The following CNBD1 variants were observed in gnomAD, a reference collection of about 807,000 sequenced individuals.
The protein encoded by CNBD1 is cyclic nucleotide binding domain containing 1, also known as cyclic nucleotide-binding domain-containing protein 1.
A neutral mutation model predicts 54.4 loss-of-function variants in CNBD1; 71 were observed. The observed-to-expected ratio is 1.30, with a 90% CI of 1.08 to 1.59. CNBD1 has a LOEUF of 1.59. Ranked by LOEUF, CNBD1 falls within the 40% of genes most tolerant of loss-of-function variation. The pLI is 0.00. For synonymous variants in CNBD1, 182 were observed against 170.7 expected, an observed-to-expected ratio of 1.07 and a Z score of -0.51; for missense variants, 659 against 518.0, an observed-to-expected ratio of 1.27 and a Z score of -2.64.
rs1475379601 is a variant in CNBD1, at chr8:87,224,186, G to C, written c.578-12733G>C. On this transcript the variant is annotated intron_variant, in intron 5 of 10. Transcript: ENST00000518476. ...GGTTGCGAAAATTTTCTCCCATTTT[G>C]TAGGTTGCCTGTTCACTCTGATGGT... is the stretch of plus-strand genomic sequence containing the variant. Among the ~76,000 whole-genome samples the C allele has an allele frequency of 5.9e-5, 9 of 151,846 alleles. No individual in the cohort carries two copies. In the East Asian group the frequency reaches 1.6e-3, roughly 26 times the overall value.
chr8:86,886,992 A>G (rs1808689766), intron 1 of CNBD1, among the ~76,000 whole-genome samples: 1 of 152,164 alleles, frequency 6.6e-6, no homozygotes, highest in Admixed American at 6.6e-5. Context: ...CTGCTCTTAA[A>G]GACTCCTTTA....
intron 4 of CNBD1, among the ~76,000 whole-genome samples, chr8:87,054,744 CA>C (rs1053036547): frequency 6.6e-6 from 1 of 152,170 alleles, no homozygotes. Flanking sequence ...TAGCCTTGGC[CA>C]AAAACCTTTG....
chr8:87,265,383 A>G (rs1350761161), intron 6 of CNBD1, among the ~76,000 whole-genome samples: 1 of 152,106 alleles, frequency 6.6e-6, no homozygotes, highest in Non-Finnish European at 1.5e-5. Flanking sequence ...TACCAGTACC[A>G]TGCTGTTTTG....
chr8:87,075,342 A>G (rs1396755250), intron 4 of CNBD1, among the ~76,000 whole-genome samples: 1 of 152,160 alleles, frequency 6.6e-6, no homozygotes. Flanking sequence ...TTTTTTCTAA[A>G]CAAAGAAATC....
chr8:87,409,103 C>T (rs906180026), intron 2 of CNBD1, among the ~76,000 whole-genome samples: 10 of 152,084 alleles, frequency 6.6e-5, no homozygotes, highest in Non-Finnish European at 1.2e-4. Flanking sequence ...GAAGGCATGT[C>T]GAAAGCTGAG....
At chr8:86,911,779 G>A (rs1230841659) in intron 3 of CNBD1, among the ~76,000 whole-genome samples, 2 of 152,094 alleles carry the variant, frequency 1.3e-5, no homozygotes, top group Middle Eastern at 3.4e-3. Flanking sequence ...CAGGATACAA[G>A]AGCAACGTAA....
downstream of CNBD1, among the ~76,000 whole-genome samples, chr8:87,385,481 G>A (rs746646748): frequency 5.3e-5 from 8 of 152,074 alleles, no homozygotes; most frequent in Admixed American, 1.3e-4. Context: ...TCCTGCACAT[G>A]TCTCGGAGGG....
chr8:86,874,998 A>ATATATATATATATATATG (rs1297642801), intron 1 of CNBD1, among the ~76,000 whole-genome samples: 3 of 54,274 alleles, frequency 5.5e-5, no homozygotes, highest in Non-Finnish European at 1.4e-4. Context: ...ATATATATAT[A>ATATATATATATATATATG]TATATATATA....
intron 4 of CNBD1, among the ~76,000 whole-genome samples, chr8:86,957,252 G>A (rs974308549): frequency 1.3e-5 from 2 of 152,094 alleles, no homozygotes; most frequent in Admixed American, 1.3e-4. Context: ...GAAGATTTTT[G>A]CATCGATGTT....
intron 8 of CNBD1, among the ~76,000 whole-genome samples, chr8:87,296,630 C>CAT (rs1437721647): frequency 1.4e-5 from 2 of 147,970 alleles, no homozygotes; most frequent in Admixed American, 6.7e-5. Context: ...CATATATATA[C>CAT]ATATATATGT....
At chr8:87,340,995 A>G (rs1810052671) in intron 8 of CNBD1, among the ~76,000 whole-genome samples, 1 of 152,038 alleles carries the variant, frequency 6.6e-6, no homozygotes, top group Non-Finnish European at 1.5e-5. Context: ...TTGAAAATAC[A>G]ACTATCTATC....
chr8:87,427,218 T>G (rs1380704456), intron 2 of CNBD1, among the ~76,000 whole-genome samples: 2 of 152,092 alleles, frequency 1.3e-5, no homozygotes, highest in African/African-American at 2.4e-5. Flanking sequence ...TGTATGTCCT[T>G]TGAAACATAC....
chr8:87,033,131 G>T (rs1809830760), intron 4 of CNBD1, among the ~76,000 whole-genome samples: 1 of 152,076 alleles, frequency 6.6e-6, no homozygotes, highest in African/African-American at 2.4e-5. Flanking sequence ...TAACAATGAT[G>T]GCATCTTCAG....
chr8:87,333,738 GC>G (rs1809883397), intron 8 of CNBD1, among the ~76,000 whole-genome samples: 1 of 152,114 alleles, frequency 6.6e-6, no homozygotes, highest in Non-Finnish European at 1.5e-5. Context: ...TGGTGGATAA[GC>G]TTTTTGATGT....
At chr8:86,977,359 A>G (rs1808365481) in intron 4 of CNBD1, among the ~76,000 whole-genome samples, 1 of 152,096 alleles carries the variant, frequency 6.6e-6, no homozygotes, top group Non-Finnish European at 1.5e-5. Flanking sequence ...ATGGTGTCCC[A>G]TAAGTCTCTT....
intron 4 of CNBD1, among the ~76,000 whole-genome samples, chr8:86,966,699 G>T (rs78089310): frequency 3.2e-4 from 48 of 152,252 alleles, no homozygotes; most frequent in Non-Finnish European, 5.9e-4. Context: ...ATAGGTTTGT[G>T]GTCTTGCTAG....
At chr8:87,406,685 G>A (rs1807659306) in intron 2 of CNBD1, among the ~76,000 whole-genome samples, 1 of 151,934 alleles carries the variant, frequency 6.6e-6, no homozygotes, top group African/African-American at 2.4e-5. Flanking sequence ...TCACCATGTT[G>A]GTCAGGCTGG....
intron 7 of CNBD1, among the ~76,000 whole-genome samples, chr8:87,286,035 T>A (rs1399992878): frequency 6.6e-6 from 1 of 152,180 alleles, no homozygotes; most frequent in Non-Finnish European, 1.5e-5. Flanking sequence ...ACATCCATCT[T>A]CTTGGGTCTC....
chr8:86,906,544 ACT>A (rs1275764463), intron 3 of CNBD1, among the ~76,000 whole-genome samples: 2 of 152,276 alleles, frequency 1.3e-5, no homozygotes, highest in South Asian at 2.1e-4. Context: ...AGTTAACATC[ACT>A]CTAAAAATAT....
Sources: allele counts gnomAD v4.1 joint callset (sites outside exome capture counted in the v4.1 genomes callset), GRCh38; gene constraint gnomAD v4.1.1; transcripts MANE v1.5; gene names NCBI Gene and HGNC (gene_info 2026-07-23, HGNC 2026-07-21).